IMMP2L: variants seen among roughly 807,000 people sequenced by gnomAD.
IMMP2L encodes the protein inner mitochondrial membrane peptidase subunit 2, also known as mitochondrial inner membrane protease subunit 2.
In IMMP2L, 18 loss-of-function variants were observed where a neutral mutation model predicts 19.3. That is an observed-to-expected ratio of 0.93 (90% CI 0.64 to 1.38). The LOEUF is 1.38. Ranked by LOEUF, IMMP2L falls within the 40% of genes most tolerant of loss-of-function variation. IMMP2L has a pLI of 0.00. For missense variants in IMMP2L, 233 were observed against 218.2 expected (o/e 1.07, Z -0.43); for synonymous variants, 76 against 73.0 (o/e 1.04, Z -0.21).
chr7:111,062,368 A>G, intron 3 of IMMP2L, among the ~76,000 whole-genome samples: 1 of 152,098 alleles, frequency 6.6e-6, no homozygotes, highest in East Asian at 1.9e-4. Context: ...CTATAATTAA[A>G]TCACCTCTCA....
At chr7:111,436,768 G>C (rs781761721) in intron 3 of IMMP2L, among the ~76,000 whole-genome samples, 4 of 151,936 alleles carry the variant, frequency 2.6e-5, no homozygotes, top group East Asian at 1.9e-4. Context: ...ATAAAGAAGA[G>C]GTTTATTTTG....
chr7:111,043,726 C>A (rs1045375296), intron 3 of IMMP2L, among the ~76,000 whole-genome samples: 10 of 152,178 alleles, frequency 6.6e-5, no homozygotes, highest in African/African-American at 1.7e-4. Context: ...CTGCTTCCTG[C>A]CATCTCTACA....
At chr7:110,901,234 A>C (rs1811833466) in intron 4 of IMMP2L, among the ~76,000 whole-genome samples, 1 of 152,002 alleles carries the variant, frequency 6.6e-6, no homozygotes, top group South Asian at 2.1e-4. Flanking sequence ...AATTCCACGA[A>C]GGTAGAGATT....
intron 3 of IMMP2L, among the ~76,000 whole-genome samples, chr7:111,185,372 G>A (rs1207628665): frequency 1.3e-5 from 2 of 152,190 alleles, no homozygotes; most frequent in Non-Finnish European, 2.9e-5. Flanking sequence ...TAACTCATAG[G>A]CCTTTTCCTT....
At chr7:111,164,350 T>TA (rs1194314417) in intron 3 of IMMP2L, among the ~76,000 whole-genome samples, 1 of 151,346 alleles carries the variant, frequency 6.6e-6, no homozygotes, top group African/African-American at 2.5e-5. Context: ...GAAAGACAAG[T>TA]AAGCAGCAGA....
chr7:110,704,858 C>G (rs1428141738), intron 5 of IMMP2L, among the ~76,000 whole-genome samples: 1 of 152,076 alleles, frequency 6.6e-6, no homozygotes, highest in Non-Finnish European at 1.5e-5. Context: ...TAATACTACC[C>G]CTCATTTTAA....
chr7:111,157,218 C>T (rs549016849), intron 3 of IMMP2L, among the ~76,000 whole-genome samples: 1 of 152,176 alleles, frequency 6.6e-6, no homozygotes, highest in Admixed American at 6.5e-5. Context: ...AGTACTCCCA[C>T]TGCTGGGTAT....
intron 3 of IMMP2L, among the ~76,000 whole-genome samples, chr7:110,969,027 A>C (rs1819863654): frequency 6.6e-6 from 1 of 152,134 alleles, no homozygotes; most frequent in Non-Finnish European, 1.5e-5. Flanking sequence ...GAGAACAAGA[A>C]AAGCATTGTA....
At chr7:111,321,162 C>T (rs1824661606) in intron 3 of IMMP2L, among the ~76,000 whole-genome samples, 1 of 151,934 alleles carries the variant, frequency 6.6e-6, no homozygotes, top group South Asian at 2.1e-4. Flanking sequence ...GTCAATTGAT[C>T]AAGAGGCTAC....
Position 111,161,559 on chromosome 7 carries a change from G to A in IMMP2L, c.240-197994C>T, listed in dbSNP as rs1183240579. Among the ~76,000 whole-genome samples the A allele has an allele frequency of 2.0e-5, 3 of 151,842 alleles. No homozygotes were observed. The East Asian group carries it at 5.8e-4, about 29-fold the overall frequency. ...TTATGGTTAAAAAAATAGCAAATCA[G>A]GAAACGAAAAAGATACCCAAAATAA... On this transcript the variant is annotated intron_variant, in intron 3 of 5. Transcript: ENST00000405709.
chr7:111,292,345 A>G (rs999981760), intron 3 of IMMP2L, among the ~76,000 whole-genome samples: 1 of 152,086 alleles, frequency 6.6e-6, no homozygotes, highest in Non-Finnish European at 1.5e-5. Flanking sequence ...CAGGAGAAAA[A>G]GGGAATTGCC....
At chr7:111,009,366 A>T (rs925660030) in intron 3 of IMMP2L, among the ~76,000 whole-genome samples, 1 of 151,964 alleles carries the variant, frequency 6.6e-6, no homozygotes, top group African/African-American at 2.4e-5. Context: ...ACATATATGC[A>T]TTTTTTTCTG....
intron 3 of IMMP2L, among the ~76,000 whole-genome samples, chr7:111,342,243 T>C (rs999775379): frequency 2.0e-5 from 3 of 152,232 alleles, no homozygotes; most frequent in African/African-American, 4.8e-5. Context: ...GAGTTTTCAA[T>C]ATATACTAAA....
chr7:110,822,973 G>T (rs958886609), intron 5 of IMMP2L, among the ~76,000 whole-genome samples: 2 of 152,062 alleles, frequency 1.3e-5, no homozygotes, highest in Non-Finnish European at 2.9e-5. Context: ...AGTGTCTGAT[G>T]AGTAAATAAA....
intron 3 of IMMP2L, among the ~76,000 whole-genome samples, chr7:111,072,843 C>A (rs1795072312): frequency 6.7e-6 from 1 of 148,864 alleles, no homozygotes; most frequent in Non-Finnish European, 1.5e-5. Flanking sequence ...GCGGAGCTTG[C>A]AGCGAGCCAA....
At chr7:111,125,791 G>A (rs1801233694) in intron 3 of IMMP2L, among the ~76,000 whole-genome samples, 1 of 148,404 alleles carries the variant, frequency 6.7e-6, no homozygotes, top group Admixed American at 6.7e-5. Flanking sequence ...TTAATAATTA[G>A]CAGTAGCTTA....
chr7:110,901,315 C>T (rs1246491706), intron 4 of IMMP2L, among the ~76,000 whole-genome samples: 1 of 152,058 alleles, frequency 6.6e-6, no homozygotes, highest in African/African-American at 2.4e-5. Context: ...TAAATATATA[C>T]TGACTAAATG....
chr7:111,181,953 G>A (rs1807757269), intron 3 of IMMP2L, among the ~76,000 whole-genome samples: 1 of 151,842 alleles, frequency 6.6e-6, no homozygotes, highest in South Asian at 2.1e-4. Context: ...AAATTATTGG[G>A]CTTCAAAAGT....
At chr7:111,191,727 G>T (rs1328452099) in intron 3 of IMMP2L, among the ~76,000 whole-genome samples, 1 of 151,976 alleles carries the variant, frequency 6.6e-6, no homozygotes, top group African/African-American at 2.4e-5. Flanking sequence ...AACAGAAGTT[G>T]ATCTACTCTG....
Sources: gnomAD v4.1 joint callset for allele counts (sites outside exome capture counted in the v4.1 genomes callset) on GRCh38, gnomAD v4.1.1 for gene constraint, MANE v1.5 for transcripts, NCBI Gene and HGNC (gene_info 2026-07-23, HGNC 2026-07-21) for gene names.